RBFOX1: variants seen among roughly 807,000 people sequenced by gnomAD.
RBFOX1 encodes the protein RNA binding protein fox-1 homolog 1.
RBFOX1 carries 8 observed loss-of-function variants against 57.7 expected under a neutral mutation model. The observed-to-expected ratio is 0.14, with a 90% confidence interval of 0.08 to 0.25. The LOEUF (loss-of-function observed/expected upper bound fraction) is 0.25. Among genes scored for constraint, RBFOX1 ranks in the 10% least tolerant of loss-of-function variants. The probability of loss-of-function intolerance (pLI) is 1.00; values close to 1 mark genes in which losing one functional copy is unlikely to be tolerated. For missense variants in RBFOX1, 611 were observed against 548.5 expected, an observed-to-expected ratio of 1.11 and a Z score of -1.14; for synonymous variants, 326 against 222.4, an observed-to-expected ratio of 1.47 and a Z score of -4.15.
intron 3 of RBFOX1, among the ~76,000 whole-genome samples, chr16:6,764,563 C>T (rs1265967122): frequency 6.6e-6 from 1 of 152,058 alleles, no homozygotes; most frequent in Non-Finnish European, 1.5e-5. Flanking sequence ...GGTTTCTGTC[C>T]CCATGGGACT....
intron 2 of RBFOX1, among the ~76,000 whole-genome samples, chr16:5,567,166 G>A (rs2046102543): frequency 1.3e-5 from 2 of 152,174 alleles, no homozygotes; most frequent in African/African-American, 4.8e-5. Context: ...TAAAGCCGGT[G>A]CCCAGGAGAG....
rs139387346 is a variant in RBFOX1 at position 7,530,406 on chromosome 16, T to C, written c.270+12017T>C. On this transcript the variant is annotated intron_variant, in intron 5 of 15. Coordinates refer to ENST00000550418, the MANE Select transcript of RBFOX1 (RefSeq NM_018723.4). ...TTTAGAAGCACGCTGAGCTGTACAC[T>C]GTAAGTCTCTGTTTCTCTTTGCTAT... 4.6e-5 allele frequency among the ~76,000 whole-genome samples: 7 copies of C among 152,262 alleles called. No individual in the cohort carries two copies. The East Asian group carries it at 1.4e-3, about 29-fold the overall frequency.
chr16:7,085,208 C>T lies in RBFOX1; in HGVS notation c.27+33110C>T, dbSNP rs150978583. On this transcript the variant is annotated intron_variant, in intron 4 of 15. Transcript: ENST00000550418. ...CTATAAAGGAAAATTGGTTATTCTA[C>T]TTGCCAAATAACATCTGATTCCATG... is the stretch of plus-strand genomic sequence containing the variant. Among the ~76,000 whole-genome samples, 12 of 152,242 alleles carry T rather than the reference C, an allele frequency of 7.9e-5. No homozygotes were observed. In the East Asian group the frequency reaches 2.3e-3, roughly 29 times the overall value.
chr16:7,612,448 CAGTAAGGAGA>C (rs2057696369), intron 10 of RBFOX1, among the ~76,000 whole-genome samples: 1 of 150,848 alleles, frequency 6.6e-6, no homozygotes, highest in South Asian at 2.1e-4. Flanking sequence ...AAAATCAAGG[CAGTAAGGAGA>C]AGTAGACTCA....
At chr16:6,415,242 CAAAAAA>C (rs57296761) in intron 2 of RBFOX1, among the ~76,000 whole-genome samples, 42,772 of 102,182 alleles carry the variant, frequency 0.42, 6,242 homozygotes, top group South Asian at 0.47. Flanking sequence ...AACTCTGTCA[CAAAAAA>C]AAAAAAAAAA....
intron 4 of RBFOX1, among the ~76,000 whole-genome samples, chr16:7,174,539 G>A (rs942758141): frequency 6.6e-6 from 1 of 152,154 alleles, no homozygotes; most frequent in African/African-American, 2.4e-5. Context: ...CCAGCCCTTT[G>A]GGAGGCAGAG....
intron 2 of RBFOX1, among the ~76,000 whole-genome samples, chr16:6,633,131 C>T (rs1012418594): frequency 6.6e-6 from 1 of 152,176 alleles, no homozygotes; most frequent in African/African-American, 2.4e-5. Flanking sequence ...TTCACAGATG[C>T]AGCTGACGTG....
intron 4 of RBFOX1, among the ~76,000 whole-genome samples, chr16:7,360,330 G>C (rs940680919): frequency 6.6e-6 from 1 of 152,170 alleles, no homozygotes; most frequent in Non-Finnish European, 1.5e-5. Flanking sequence ...TGAAAACAGT[G>C]ACTCTGAGAA....
At chr16:6,319,651 C>T (rs1466801841) in intron 2 of RBFOX1, among the ~76,000 whole-genome samples, 1 of 152,124 alleles carries the variant, frequency 6.6e-6, no homozygotes, top group Non-Finnish European at 1.5e-5. Context: ...ACAGATTGGC[C>T]AATGCACATG....
In RBFOX1 at chr16:6,692,701, G is replaced by C. The variant is rs568476106; in HGVS notation, c.-16+38051G>C. 5.9e-5 allele frequency among the ~76,000 whole-genome samples: 9 copies of C among 151,646 alleles called. No individual in the cohort carries two copies. The East Asian group carries it at 1.7e-3, about 29-fold the overall frequency. On this transcript the variant is annotated intron_variant, in intron 3 of 15. Transcript: ENST00000550418. Reference sequence around the variant, plus strand: ...CCTTTAACCAACACCTAGTTGAAATGCCTACTATATACTCCAAGTCAGAGT... The same window carrying C: ...CCTTTAACCAACACCTAGTTGAAATCCCTACTATATACTCCAAGTCAGAGT...
intron 1 of RBFOX1, among the ~76,000 whole-genome samples, chr16:5,333,526 C>G (rs565203871): frequency 1.3e-4 from 20 of 152,282 alleles, no homozygotes; most frequent in African/African-American, 4.8e-4. Flanking sequence ...TTCTCTCCTT[C>G]CCTGTGGTTT....
At chr16:6,206,900 C>G (rs1377731111) in intron 1 of RBFOX1, among the ~76,000 whole-genome samples, 1 of 151,852 alleles carries the variant, frequency 6.6e-6, no homozygotes, top group Non-Finnish European at 1.5e-5. Context: ...CCTTCAAGGA[C>G]AACATCAGCT....
At chr16:5,785,132 T>G (rs1360251171) in intron 3 of RBFOX1, among the ~76,000 whole-genome samples, 1 of 152,216 alleles carries the variant, frequency 6.6e-6, no homozygotes, top group Admixed American at 6.5e-5. Context: ...TTTTCTGGGA[T>G]AAATTCCCAG....
At chr16:6,429,317 AC>A (rs2094013380) in intron 2 of RBFOX1, among the ~76,000 whole-genome samples, 1 of 152,202 alleles carries the variant, frequency 6.6e-6, no homozygotes, top group South Asian at 2.1e-4. Flanking sequence ...CCAGCTCCCC[AC>A]CACTGCTGCT....
intron 1 of RBFOX1, among the ~76,000 whole-genome samples, chr16:6,195,301 C>G (rs561446364): frequency 6.6e-6 from 1 of 152,326 alleles, no homozygotes; most frequent in East Asian, 1.9e-4. Context: ...TGCTGTGCCT[C>G]CATTTTAACT....
intron 2 of RBFOX1, among the ~76,000 whole-genome samples, chr16:6,571,383 C>T (rs1239030165): frequency 1.3e-5 from 2 of 152,176 alleles, no homozygotes; most frequent in Non-Finnish European, 1.5e-5. Context: ...GAGACCATTC[C>T]TGTCAGGAAT....
chr16:7,059,949 A>G (rs937442149), intron 4 of RBFOX1, among the ~76,000 whole-genome samples: 1 of 152,222 alleles, frequency 6.6e-6, no homozygotes, highest in Admixed American at 6.5e-5. Flanking sequence ...AACACGATTC[A>G]AAAATTATTT....
At chr16:7,642,909 C>T (rs981695698) in intron 11 of RBFOX1, among the ~76,000 whole-genome samples, 1 of 152,056 alleles carries the variant, frequency 6.6e-6, no homozygotes, top group South Asian at 2.1e-4. Context: ...CTCATTTTGC[C>T]GAATGTTACA....
At chr16:7,103,552 G>A (rs1014761386) in intron 4 of RBFOX1, among the ~76,000 whole-genome samples, 9 of 152,076 alleles carry the variant, frequency 5.9e-5, no homozygotes, top group African/African-American at 7.2e-5. Flanking sequence ...TGTATCAAAT[G>A]TATAGATAGA....
Sources: allele counts gnomAD v4.1 joint callset (sites outside exome capture counted in the v4.1 genomes callset), GRCh38; gene constraint gnomAD v4.1.1; transcripts MANE v1.5; gene names NCBI Gene and HGNC (gene_info 2026-07-23, HGNC 2026-07-21).